The following GALNTL6 variants were observed in gnomAD, a reference collection of about 807,000 sequenced individuals.
The protein encoded by GALNTL6 is polypeptide N-acetylgalactosaminyltransferase-like 6.
Under a neutral mutation model 73.7 loss-of-function variants are expected in GALNTL6, and 46 were observed. The ratio of observed to expected loss-of-function variants is 0.62; its 90% CI spans 0.49 to 0.80. GALNTL6 has a LOEUF of 0.80. GALNTL6 is among the 30% of genes least tolerant of loss of function. The probability of loss-of-function intolerance (pLI) is 0.00; values close to 1 mark genes in which losing one functional copy is unlikely to be tolerated. For missense variants in GALNTL6, 604 were observed against 755.0 expected, an observed-to-expected ratio of 0.80 and a Z score of 2.34; for synonymous variants, 259 against 263.7, an observed-to-expected ratio of 0.98 and a Z score of 0.17.
chr4:172,446,878 G>A (rs1259487154), intron 5 of GALNTL6, among the ~76,000 whole-genome samples: 1 of 152,072 alleles, frequency 6.6e-6, no homozygotes, highest in Non-Finnish European at 1.5e-5. Context: ...CTCTGTGCAG[G>A]TCTGAATTTC....
intron 2 of GALNTL6, among the ~76,000 whole-genome samples, chr4:172,207,300 T>G (rs1281423257): frequency 6.6e-6 from 1 of 152,078 alleles, no homozygotes; most frequent in East Asian, 1.9e-4. Flanking sequence ...AAGCCTACTT[T>G]GGATCTTTGT....
At chr4:172,549,183 C>A (rs1735875351) in intron 5 of GALNTL6, among the ~76,000 whole-genome samples, 1 of 152,154 alleles carries the variant, frequency 6.6e-6, no homozygotes, top group African/African-American at 2.4e-5. Context: ...CTTTTCCCAA[C>A]TCCCAGTCCC....
intron 2 of GALNTL6, among the ~76,000 whole-genome samples, chr4:171,854,917 C>T (rs1735643929): frequency 6.6e-6 from 1 of 152,168 alleles, no homozygotes; most frequent in Non-Finnish European, 1.5e-5. Flanking sequence ...CAGATGTCTG[C>T]GTTTCTATGG....
At chr4:172,448,435 A>G (rs1732101033) in intron 5 of GALNTL6, among the ~76,000 whole-genome samples, 1 of 152,136 alleles carries the variant, frequency 6.6e-6, no homozygotes, top group Non-Finnish European at 1.5e-5. Flanking sequence ...TCTGGCCTTC[A>G]ATGTCTTTAT....
At chr4:172,412,621 C>T (rs1043571901) in intron 5 of GALNTL6, among the ~76,000 whole-genome samples, 1 of 151,960 alleles carries the variant, frequency 6.6e-6, no homozygotes. Flanking sequence ...TTTCTTTTTC[C>T]AAATGAAATC....
intron 2 of GALNTL6, among the ~76,000 whole-genome samples, chr4:172,095,791 A>G (rs879893940): frequency 6.6e-5 from 10 of 151,998 alleles, no homozygotes; most frequent in African/African-American, 9.7e-5. Flanking sequence ...TTGTGGGAGG[A>G]AATTACTGTT....
intron 5 of GALNTL6, among the ~76,000 whole-genome samples, chr4:172,629,126 A>C (rs1472583083): frequency 6.6e-6 from 1 of 152,070 alleles, no homozygotes; most frequent in African/African-American, 2.4e-5. Context: ...GTGTTTGTCT[A>C]TCTGTGTCTT....
chr4:172,556,751 A>G (rs1736155717), intron 5 of GALNTL6, among the ~76,000 whole-genome samples: 2 of 151,816 alleles, frequency 1.3e-5, no homozygotes, highest in African/African-American at 2.4e-5. Flanking sequence ...CACCAAAAAA[A>G]AAAAAAAGAA....
At chr4:172,154,314 C>T (rs961993213) in intron 2 of GALNTL6, among the ~76,000 whole-genome samples, 3 of 152,090 alleles carry the variant, frequency 2.0e-5, no homozygotes, top group Non-Finnish European at 2.9e-5. Context: ...CTCACCACAA[C>T]CTCTGCCTCC....
chr4:172,121,371 T>C (rs865906320), intron 2 of GALNTL6, among the ~76,000 whole-genome samples: 4 of 151,924 alleles, frequency 2.6e-5, no homozygotes, highest in African/African-American at 9.7e-5. Context: ...CAGGCATTCA[T>C]ATATAAGAAC....
intron 5 of GALNTL6, among the ~76,000 whole-genome samples, chr4:172,513,616 T>C (rs149002300): frequency 6.6e-4 from 101 of 152,274 alleles, no homozygotes; most frequent in African/African-American, 2.2e-3. Flanking sequence ...GGTACTCCCT[T>C]GATGTGGTGC....
intron 5 of GALNTL6, among the ~76,000 whole-genome samples, chr4:172,597,277 A>G (rs1173042874): frequency 1.3e-5 from 2 of 152,160 alleles, no homozygotes; most frequent in African/African-American, 4.8e-5. Flanking sequence ...TTATTATAAC[A>G]TGATTACTTT....
At chr4:172,339,255 CACCACACA>C (rs1304370452) in intron 4 of GALNTL6, among the ~76,000 whole-genome samples, 44 of 128,386 alleles carry the variant, frequency 3.4e-4, no homozygotes, top group Non-Finnish European at 4.7e-4. Context: ...CACACACACA[CACCACACA>C]CACACACACA....
intron 5 of GALNTL6, among the ~76,000 whole-genome samples, chr4:172,604,010 C>T (rs939584267): frequency 1.1e-4 from 17 of 152,154 alleles, no homozygotes; most frequent in Non-Finnish European, 1.9e-4. Context: ...ATATTGTAGA[C>T]GGTCAGTATA....
chr4:172,296,875 C>T (rs1277299382), intron 3 of GALNTL6, among the ~76,000 whole-genome samples: 17 of 152,288 alleles, frequency 1.1e-4, no homozygotes, highest in South Asian at 4.1e-4. Context: ...TGGGTATATA[C>T]CCAGTAATGG....
chr4:172,061,866 G>A (rs769175363), intron 2 of GALNTL6, among the ~76,000 whole-genome samples: 16 of 151,108 alleles, frequency 1.1e-4, no homozygotes, highest in East Asian at 1.9e-4. Context: ...CTTAGCATAC[G>A]CCAACATTGC....
At chr4:172,638,522 C>T (rs1739804214) in intron 5 of GALNTL6, among the ~76,000 whole-genome samples, 1 of 152,072 alleles carries the variant, frequency 6.6e-6, no homozygotes. Flanking sequence ...TCTGGTACCT[C>T]AATGACACAT....
At chr4:172,593,633 A>G (rs1158739462) in intron 5 of GALNTL6, among the ~76,000 whole-genome samples, 1 of 152,088 alleles carries the variant, frequency 6.6e-6, no homozygotes, top group African/African-American at 2.4e-5. Flanking sequence ...AAAAGGCAGA[A>G]ACACTGATTA....
rs371044353 is a variant in GALNTL6 at position 172,045,062 on chromosome 4, C to T, written c.139-184594C>T. Among the ~76,000 whole-genome samples the T allele has an allele frequency of 9.9e-5, 15 of 152,084 alleles. No homozygotes were observed. The East Asian group carries it at 2.7e-3, about 27-fold the overall frequency. Reference sequence around the variant, plus strand: ...TTATTCTTATATAATTTTGGCTTTTCATTGTTCATGATATATACTAATTAG... The same window carrying T: ...TTATTCTTATATAATTTTGGCTTTTTATTGTTCATGATATATACTAATTAG... On this transcript the variant is annotated intron_variant, in intron 2 of 12. Coordinates refer to ENST00000506823, the MANE Select transcript of GALNTL6 (RefSeq NM_001034845.3).
Sources: gnomAD v4.1 joint callset for allele counts (sites outside exome capture counted in the v4.1 genomes callset) on GRCh38, gnomAD v4.1.1 for gene constraint, MANE v1.5 for transcripts, NCBI Gene and HGNC (gene_info 2026-07-23, HGNC 2026-07-21) for gene names.